Variants in PCDHGA7 observed in about 807,000 individuals in gnomAD.
PCDHGA7 encodes the protein protocadherin gamma-A7.
A neutral mutation model predicts 58.3 loss-of-function variants in PCDHGA7; 44 were observed. The observed-to-expected ratio is 0.75, with a 90% confidence interval of 0.59 to 0.97. The LOEUF is 0.97. Among genes scored for constraint, PCDHGA7 ranks in the 50% least tolerant of loss-of-function variants. The pLI, the probability that PCDHGA7 is intolerant of heterozygous loss-of-function variation, is 0.00. For synonymous variants in PCDHGA7, 516 were observed against 504.2 expected (o/e 1.02, Z -0.31); for missense variants, 1,266 against 1,188.7 (o/e 1.06, Z -0.96).
In PCDHGA7 at chr5:141,404,211, T is replaced by C. The variant is rs1423741415; in HGVS notation, c.2424+18888T>C. ...CGAGAAAAAGCCTCAGAATATAATATCACGGTGACTGCAACAGACAGAGGA... is the reference window on the plus strand; with the variant it reads ...CGAGAAAAAGCCTCAGAATATAATACCACGGTGACTGCAACAGACAGAGGA... On this transcript the variant is annotated intron_variant, in intron 1 of 3. Coordinates refer to ENST00000518325, the MANE Select transcript of PCDHGA7 (RefSeq NM_018920.4). 3 of 1,613,606 alleles carry C rather than the reference T, an allele frequency of 1.9e-6. No homozygotes were observed. The Admixed American group carries it at 5.0e-5, about 27-fold the overall frequency.
At chr5:141,445,767 T>C (rs2098476828) in intron 1 of PCDHGA7, among the ~76,000 whole-genome samples, 1 of 152,142 alleles carries the variant, frequency 6.6e-6, no homozygotes, top group African/African-American at 2.4e-5. Flanking sequence ...ACTCAAGCAA[T>C]TTAAAAGGGC....
At position 141,383,079 on chromosome 5, in the gene PCDHGA7, G is replaced by A. The variant is rs770794066; in HGVS notation, c.180G>A (p.Ala60=). 4 of 1,613,906 alleles carry A rather than the reference G, an allele frequency of 2.5e-6. No individual in the cohort carries two copies. In the South Asian group the frequency reaches 4.4e-5, roughly 18 times the overall value. ...TGGGGCTGGAGCCCCGGGAGCTGGC[G>A]GAGCGCGGAGTCCGCATCATCTCCA... is the stretch of plus-strand genomic sequence containing the variant. The part of the protein sequence containing the change: ...KDLGLEPREL[A]ERGVRIISRG... Residue 60 remains alanine (A), a synonymous_variant, in exon 1 of 4, where the codon GCG becomes GCA. Transcript: ENST00000518325.
chr5:141,409,808 G>A lies in PCDHGA7; in HGVS notation c.2424+24485G>A, dbSNP rs1445467116. On this transcript the variant is annotated intron_variant, in intron 1 of 3. Coordinates refer to ENST00000518325, the MANE Select transcript of PCDHGA7 (RefSeq NM_018920.4). ...CTTCGCGCTCACGCTGCAGGCCCGC[G>A]ACCACGGCTCGCCCACGCTCAGCGC... 4.3e-6 allele frequency: 7 copies of A among 1,611,624 alleles called. No individual in the cohort carries two copies. In the East Asian group the frequency reaches 1.3e-4, roughly 31 times the overall value.
chr5:141,390,399 G>A (rs545358089), intron 1 of PCDHGA7: 2 of 1,359,380 alleles, frequency 1.5e-6, no homozygotes, highest in Non-Finnish European at 2.0e-6. Context: ...GATCATTTTA[G>A]GAAAGTTGTA....
chr5:141,509,207 A>C (rs1263006059), intron 3 of PCDHGA7, among the ~76,000 whole-genome samples: 2 of 151,694 alleles, frequency 1.3e-5, no homozygotes, highest in Non-Finnish European at 2.9e-5. Context: ...CTGTCTCTCT[A>C]TTTCTCAATC....
intron 2 of PCDHGA7, among the ~76,000 whole-genome samples, chr5:141,502,404 C>G (rs1270930372): frequency 6.6e-6 from 1 of 151,880 alleles, no homozygotes; most frequent in African/African-American, 2.4e-5. Context: ...TGTCCCCGAA[C>G]CTGGATTTGC....
intron 1 of PCDHGA7, chr5:141,391,245 G>A (rs1324945676): frequency 6.6e-6 from 1 of 151,892 alleles, no homozygotes; most frequent in African/African-American, 2.4e-5. Flanking sequence ...GTATATCTAA[G>A]CAACTGCTTC....
At chr5:141,433,605 G>C (rs1411907056) in intron 1 of PCDHGA7, among the ~76,000 whole-genome samples, 1 of 152,114 alleles carries the variant, frequency 6.6e-6, no homozygotes. Context: ...GGAGGCCGAG[G>C]CGGGTGGATC....
intron 1 of PCDHGA7, 177 bp from the exon 2 acceptor site, chr5:141,494,630 C>T (rs991482599): frequency 5.8e-6 from 5 of 866,562 alleles, no homozygotes; most frequent in Non-Finnish European, 6.9e-6. Flanking sequence ...GTACCTCAGA[C>T]CTCTGAGACC....
rs2093964070 is a variant in PCDHGA7, at chr5:141,400,115, G to A, written c.2424+14792G>A. On this transcript the variant is annotated intron_variant, in intron 1 of 3. Coordinates refer to ENST00000518325, the MANE Select transcript of PCDHGA7 (RefSeq NM_018920.4). ...ACGCTGCACTTGGTCTTTGCTGACA[G>A]CTTGCAGGAGGTGCTGCCGGATATC... The A allele has an allele frequency of 1.9e-6, 3 of 1,613,966 alleles. No individual in the cohort carries two copies. The African/African-American group carries it at 4.0e-5, about 22-fold the overall frequency.
chr5:141,488,552 A>C (rs993681273), intron 1 of PCDHGA7, among the ~76,000 whole-genome samples: 1 of 152,194 alleles, frequency 6.6e-6, no homozygotes, highest in African/African-American at 2.4e-5. Context: ...GTCAGCTGAC[A>C]TTGAGATTTC....
chr5:141,466,766 T>G (rs1309395984), intron 1 of PCDHGA7, among the ~76,000 whole-genome samples: 2 of 152,194 alleles, frequency 1.3e-5, no homozygotes, highest in Non-Finnish European at 2.9e-5. Context: ...TTTCAAACTG[T>G]TATCTTATTC....
chr5:141,421,670 T>A, intron 1 of PCDHGA7: 3 of 1,613,892 alleles, frequency 1.9e-6, no homozygotes, highest in Non-Finnish European at 2.5e-6. Flanking sequence ...GAGCACGCAA[T>A]TCCTGGGGCG....
chr5:141,430,994 C>T, intron 1 of PCDHGA7: 1 of 1,613,950 alleles, frequency 6.2e-7, no homozygotes, highest in East Asian at 2.2e-5. Context: ...CGCCCTGAAT[C>T]CGCGCAGCGG....
chr5:141,386,123 T>C (rs1477033454), intron 1 of PCDHGA7: 1 of 152,112 alleles, frequency 6.6e-6, no homozygotes, highest in African/African-American at 2.4e-5. Flanking sequence ...AAGTGGGAGA[T>C]TGGGGATACT....
chr5:141,403,049 T>C (rs368917303), intron 1 of PCDHGA7: 2 of 1,613,938 alleles, frequency 1.2e-6, no homozygotes, highest in Non-Finnish European at 1.7e-6. Flanking sequence ...TCAGATTCGC[T>C]ACTCAGTGCC....
At chr5:141,407,497 G>GTTTTTTTTTTTTTTTT (rs1554102286) in intron 1 of PCDHGA7, among the ~76,000 whole-genome samples, 1 of 151,966 alleles carries the variant, frequency 6.6e-6, no homozygotes, top group Non-Finnish European at 1.5e-5. Flanking sequence ...CTTTATTTCT[G>GTTTTTTTTTTTTTTTT]TTTTTCTTAG....
At chr5:141,428,124 C>G in intron 1 of PCDHGA7, 2 of 1,605,400 alleles carry the variant, frequency 1.2e-6, no homozygotes, top group Non-Finnish European at 1.7e-6. Flanking sequence ...CGAGCCCGGG[C>G]TTTTCAGCCT....
intron 1 of PCDHGA7, chr5:141,412,461 A>G (rs184499850): frequency 3.4e-4 from 52 of 152,338 alleles, no homozygotes; most frequent in African/African-American, 1.2e-3. Flanking sequence ...ACTATTCTAG[A>G]AGAGTACTTT....
Sources: gnomAD v4.1 joint callset for allele counts (sites outside exome capture counted in the v4.1 genomes callset) on GRCh38, gnomAD v4.1.1 for gene constraint, MANE v1.5 for transcripts, NCBI Gene and HGNC (gene_info 2026-07-23, HGNC 2026-07-21) for gene names.